Variants in ZNF710 observed in about 807,000 individuals in gnomAD.
ZNF710 encodes the protein zinc finger protein 710.
In ZNF710, 13 loss-of-function variants were observed where a neutral mutation model predicts 50.6. That is an observed-to-expected ratio of 0.26 (90% CI 0.17 to 0.41). The LOEUF (loss-of-function observed/expected upper bound fraction) is 0.41. Among genes scored for constraint, ZNF710 ranks in the 10% least tolerant of loss-of-function variants. The pLI is 1.00. For synonymous variants in ZNF710, 383 were observed against 397.0 expected, an observed-to-expected ratio of 0.96 and a Z score of 0.42; for missense variants, 721 against 936.6, an observed-to-expected ratio of 0.77 and a Z score of 3.01.
chr15:90,014,514 A>G lies in ZNF710; in HGVS notation c.-29+12900A>G, dbSNP rs1196796643. ...AAACATAGTGAGACCCTATCTCTTA[A>G]AAAAAAAAAAAAAAAAAGATGGCAT... On this transcript the variant is annotated intron_variant, in intron 1 of 4. Coordinates refer to ENST00000268154, the MANE Select transcript of ZNF710 (RefSeq NM_198526.4). Among the ~76,000 whole-genome samples, 49 of 124,428 alleles carry G rather than the reference A, an allele frequency of 3.9e-4. 1 individual carries two copies. The highest frequency in any genetic ancestry group is 2.0e-3 in the African/African-American group (47 of 23,170). The allele number at this position is 124,428 out of a possible 152,430, so 81.6% of individuals were successfully genotyped here.
At chr15:90,057,723 T>TAATAATAATAATAATAATA (rs933717391) in intron 1 of ZNF710, among the ~76,000 whole-genome samples, 1 of 148,988 alleles carries the variant, frequency 6.7e-6, no homozygotes, top group East Asian at 2.0e-4. Flanking sequence ...ATAATAATAA[T>TAATAATAATAATAATAATA]AATTTGGAGA....
rs117957603 is a variant in ZNF710, at chr15:90,038,418, G to A, written c.-28-28692G>A. On this transcript the variant is annotated intron_variant, in intron 1 of 4. Coordinates refer to ENST00000268154, the MANE Select transcript of ZNF710 (RefSeq NM_198526.4). ...TTTTCTTTATCTCACTCTCTTTCAC[G>A]TGGTTTTGCTGAGTCATTTGAAAGT... 5.2e-3 allele frequency among the ~76,000 whole-genome samples: 791 copies of A among 152,232 alleles called. 5 individuals are homozygous for A. The highest frequency in any genetic ancestry group is 0.01 in the South Asian group (50 of 4,820).
intron 1 of ZNF710, among the ~76,000 whole-genome samples, chr15:90,003,112 G>A (rs1340673691): frequency 6.6e-6 from 1 of 152,174 alleles, no homozygotes; most frequent in Non-Finnish European, 1.5e-5. Flanking sequence ...CTGACCTCGT[G>A]ATCCGCCCGC....
chr15:90,010,561 C>T (rs1898270457), intron 1 of ZNF710, among the ~76,000 whole-genome samples: 1 of 152,084 alleles, frequency 6.6e-6, no homozygotes, highest in Admixed American at 6.5e-5. Context: ...TCCCATAGCG[C>T]TGGGATTACA....
At chr15:90,003,931 T>C (rs76364457) in intron 1 of ZNF710, among the ~76,000 whole-genome samples, 2,614 of 151,936 alleles carry the variant, frequency 0.017, 154 homozygotes, top group East Asian at 0.17. Flanking sequence ...GAATTGGATG[T>C]TTGGGTCACA....
chr15:90,030,329 C>CAAAAAAAAAAAAAAAAAAAAAAA, intron 1 of ZNF710, among the ~76,000 whole-genome samples: 1 of 50,508 alleles, frequency 2.0e-5, no homozygotes, highest in Non-Finnish European at 3.5e-5. Context: ...AACTCCATCT[C>CAAAAAAAAAAAAAAAAAAAAAAA]AAAAAAAAAA....
chr15:90,075,684 C>A (rs1434917519), intron 4 of ZNF710: 1 of 152,226 alleles, frequency 6.6e-6, no homozygotes, highest in Non-Finnish European at 1.5e-5. Context: ...TTTGGAACAG[C>A]TGACCAGTGA....
chr15:90,026,504 G>T (rs1181532783), intron 1 of ZNF710, among the ~76,000 whole-genome samples: 1 of 152,000 alleles, frequency 6.6e-6, no homozygotes, highest in African/African-American at 2.4e-5. Context: ...TAATTATTTT[G>T]AATTTGATAA....
rs931467018 is a variant in ZNF710 at position 90,040,534 on chromosome 15, G to A, written c.-28-26576G>A. Reference sequence around the variant, plus strand: ...CTTCTGTTTCTTGGCTTAATGCTCCGGGAGTTCACAGTGATCCCGATTTGA... The same window carrying A: ...CTTCTGTTTCTTGGCTTAATGCTCCAGGAGTTCACAGTGATCCCGATTTGA... On this transcript the variant is annotated intron_variant, in intron 1 of 4. Coordinates refer to ENST00000268154, the MANE Select transcript of ZNF710 (RefSeq NM_198526.4). The surrounding 1 kb of genome is among the most constrained non-coding windows in gnomAD (Gnocchi z 4.6). Among the ~76,000 whole-genome samples, 45 of 152,138 alleles carry A rather than the reference G, an allele frequency of 3.0e-4. 1 individual carries two copies. Among genetic ancestry groups the A allele is most frequent in the South Asian group, 2.1e-4 (1 of 4,826 alleles).
chr15:90,079,974 T>C lies in ZNF710; in HGVS notation c.*145T>C. On this transcript the variant is annotated 3_prime_UTR_variant, in exon 5 of 5. Coordinates refer to ENST00000268154, the MANE Select transcript of ZNF710 (RefSeq NM_198526.4). Reference sequence around the variant, plus strand: ...TCCCTCCCCGAGTCATTTGCACCACTAGGGACCTTTAGACCAAATGGAGAC... The same window carrying C: ...TCCCTCCCCGAGTCATTTGCACCACCAGGGACCTTTAGACCAAATGGAGAC... The C allele has an allele frequency of 1.4e-6, 1 of 737,304 alleles. No homozygotes were observed. Among genetic ancestry groups the C allele is most frequent in the Non-Finnish European group, 2.1e-6 (1 of 487,198 alleles). The allele number at this position is 737,304 out of a possible 1,614,324, so 45.7% of individuals were successfully genotyped here.
chr15:90,033,438 G>A (rs141785476), intron 1 of ZNF710, among the ~76,000 whole-genome samples: 4 of 152,238 alleles, frequency 2.6e-5, no homozygotes, highest in Admixed American at 2.0e-4. Context: ...AAGTCTTCTC[G>A]CTCCCACTTC....
At position 90,067,707 on chromosome 15, in the gene ZNF710, C is replaced by G. The variant is rs372440379; in HGVS notation, c.570C>G (p.His190Gln). The G allele has an allele frequency of 3.1e-6, 5 of 1,608,592 alleles. No homozygotes were observed. The African/African-American group carries it at 6.7e-5, about 22-fold the overall frequency. ...PELNVAPYDP[H>Q]FPAPARDGFP... ...TGAACGTGGCCCCATATGACCCTCA[C>G]TTCCCGGCCCCGGCCCGGGATGGCT... is the stretch of plus-strand genomic sequence containing the variant. Residue 190 changes from histidine (H) to glutamine (Q), a missense_variant, in exon 2 of 5, where the codon CAC (histidine) becomes CAG (glutamine). Physicochemically the swap from His to Gln is conservative, Grantham distance 24. Transcript: ENST00000268154. This position sits in a 1 kb window ranked among gnomAD's most constrained non-coding sequence, Gnocchi z 8.1.
chr15:90,050,694 C>T (rs1479395925), intron 1 of ZNF710, among the ~76,000 whole-genome samples: 2 of 151,890 alleles, frequency 1.3e-5, no homozygotes, highest in Non-Finnish European at 2.9e-5. Context: ...TCTGACCCTG[C>T]GGCCCATGCC....
chr15:90,034,509 C>T lies in ZNF710; in HGVS notation c.-28-32601C>T, dbSNP rs1019878334. On this transcript the variant is annotated intron_variant, in intron 1 of 4. Transcript: ENST00000268154. The surrounding 1 kb of genome is among the most constrained non-coding windows in gnomAD (Gnocchi z 4.0). ...CCTGTGGTGGTGGTGGCCATGGTGT[C>T]GGCAGCAGCAGGGTTGTCAGGAAAC... Among the ~76,000 whole-genome samples, 5 of 146,212 alleles carry T rather than the reference C, an allele frequency of 3.4e-5. No homozygotes were observed. Among genetic ancestry groups the T allele is most frequent in the African/African-American group, 1.0e-4 (4 of 39,394 alleles).
intron 4 of ZNF710, 24 bp downstream of exon 4, chr15:90,074,314 C>G (rs2151538126): frequency 6.2e-7 from 1 of 1,609,742 alleles, no homozygotes; most frequent in Non-Finnish European, 8.5e-7. Flanking sequence ...GCGCAATGGA[C>G]AGAGCAGGAA....
At chr15:90,057,956 T>C (rs934146774) in intron 1 of ZNF710, among the ~76,000 whole-genome samples, 2 of 152,132 alleles carry the variant, frequency 1.3e-5, no homozygotes, top group African/African-American at 4.8e-5. Flanking sequence ...TCACCCCTCA[T>C]ATCCTTGGGT....
rs746498129 is a variant in ZNF710, at chr15:90,068,603, C to T, written c.1458+8C>T. On this transcript the variant is annotated splice_region_variant and intron_variant, in intron 2 of 4. Transcript: ENST00000268154. This position sits in a 1 kb window ranked among gnomAD's most constrained non-coding sequence, Gnocchi z 5.0. ...CACTCCCTCACCCACAAGGTAAGGCCGTTCCCAGGGCCTGGGCATCTGCCT... is the reference window on the plus strand; with the variant it reads ...CACTCCCTCACCCACAAGGTAAGGCTGTTCCCAGGGCCTGGGCATCTGCCT... The T allele has an allele frequency of 8.3e-6, 13 of 1,575,298 alleles. No individual in the cohort carries two copies. The highest frequency in any genetic ancestry group is 8.0e-5 in the South Asian group (7 of 87,710).
intron 1 of ZNF710, among the ~76,000 whole-genome samples, chr15:90,014,518 A>G (rs1898397777): frequency 6.6e-6 from 1 of 151,884 alleles, no homozygotes; most frequent in Non-Finnish European, 1.5e-5. Flanking sequence ...CTCTTAAAAA[A>G]AAAAAAAAAA....
Position 90,051,211 on chromosome 15 carries a change from C to T in ZNF710, c.-28-15899C>T, listed in dbSNP as rs184831292. ...CCAAGATCGTGCCGCTGCACTCCAG[C>T]CTGGGCGACACAGCCAGACTCCGTC... On this transcript the variant is annotated intron_variant, in intron 1 of 4. Transcript: ENST00000268154. Among the ~76,000 whole-genome samples the T allele has an allele frequency of 2.7e-5, 4 of 150,750 alleles. No individual in the cohort carries two copies. The East Asian group carries it at 5.8e-4, about 22-fold the overall frequency.
Sources: gnomAD v4.1 joint callset for allele counts (sites outside exome capture counted in the v4.1 genomes callset) on GRCh38, gnomAD v4.1.1 for gene constraint, Gnocchi (gnomAD v3.1) non-coding constraint, MANE v1.5 for transcripts, NCBI Gene and HGNC (gene_info 2026-07-23, HGNC 2026-07-21) for gene names.